Variants in GRID2 observed in about 807,000 individuals in gnomAD.
The protein encoded by GRID2 is glutamate receptor ionotropic, delta-2.
Under a neutral mutation model 114.8 loss-of-function variants are expected in GRID2, and 33 were observed. The observed-to-expected ratio is 0.29, with a 90% CI of 0.22 to 0.38. The LOEUF (loss-of-function observed/expected upper bound fraction) is 0.38. GRID2 is among the 10% of genes least tolerant of loss of function. The pLI, the probability that GRID2 is intolerant of heterozygous loss-of-function variation, is 1.00. For synonymous variants in GRID2, 505 were observed against 449.9 expected (o/e 1.12, Z -1.55); for missense variants, 1,184 against 1,257.7 (o/e 0.94, Z 0.89).
At chr4:92,673,042 C>T (rs1733154198) in intron 2 of GRID2, among the ~76,000 whole-genome samples, 1 of 152,098 alleles carries the variant, frequency 6.6e-6, no homozygotes, top group Non-Finnish European at 1.5e-5. Flanking sequence ...CATTTTAGCT[C>T]CCACAAATAA....
At chr4:92,971,083 G>T (rs1006354132) in intron 2 of GRID2, among the ~76,000 whole-genome samples, 1 of 151,636 alleles carries the variant, frequency 6.6e-6, no homozygotes, top group African/African-American at 2.4e-5. Context: ...TGATATTCTC[G>T]CTTTGGCCCC....
chr4:93,088,880 C>T (rs1730548889), intron 3 of GRID2, among the ~76,000 whole-genome samples: 1 of 151,962 alleles, frequency 6.6e-6, no homozygotes, highest in Admixed American at 6.6e-5. Context: ...CTGACAGAGC[C>T]TATGATCTTA....
At chr4:93,097,851 C>G (rs1385071115) in intron 3 of GRID2, among the ~76,000 whole-genome samples, 1 of 151,858 alleles carries the variant, frequency 6.6e-6, no homozygotes, top group East Asian at 1.9e-4. Flanking sequence ...GAGCCATTTT[C>G]TGGAATAATA....
intron 2 of GRID2, among the ~76,000 whole-genome samples, chr4:92,935,947 A>C (rs1170344443): frequency 6.9e-6 from 1 of 145,952 alleles, no homozygotes; most frequent in African/African-American, 2.4e-5. Context: ...ATGAGGAGTT[A>C]ATGGGTGCAG....
intron 1 of GRID2, among the ~76,000 whole-genome samples, chr4:92,508,076 G>A (rs1047925699): frequency 6.6e-6 from 1 of 151,808 alleles, no homozygotes; most frequent in Non-Finnish European, 1.5e-5. Context: ...TTACTGGAAG[G>A]TCCTTATGTT....
chr4:92,879,358 C>T (rs1745845070), intron 2 of GRID2, among the ~76,000 whole-genome samples: 4 of 152,082 alleles, frequency 2.6e-5, no homozygotes, highest in Admixed American at 2.6e-4. Context: ...AGGCATCAGA[C>T]TGAGAAAGGA....
intron 14 of GRID2, among the ~76,000 whole-genome samples, chr4:93,694,901 G>A (rs1183528191): frequency 6.7e-6 from 1 of 149,912 alleles, no homozygotes; most frequent in East Asian, 1.9e-4. Context: ...GGCCGGGGCG[G>A]TGGCTCACGC....
chr4:93,607,985 T>C (rs1284228567), intron 13 of GRID2, among the ~76,000 whole-genome samples: 2 of 151,456 alleles, frequency 1.3e-5, no homozygotes, highest in African/African-American at 4.8e-5. Flanking sequence ...GTGAATGGTG[T>C]TTTTTCTCAT....
intron 14 of GRID2, among the ~76,000 whole-genome samples, chr4:93,758,221 A>T (rs1328967933): frequency 1.3e-5 from 2 of 152,226 alleles, no homozygotes; most frequent in Non-Finnish European, 2.9e-5. Flanking sequence ...ATTTAAAAAA[A>T]TAGTTTAGAC....
chr4:93,430,730 A>G (rs1454062248), intron 10 of GRID2, among the ~76,000 whole-genome samples: 1 of 152,244 alleles, frequency 6.6e-6, no homozygotes, highest in East Asian at 1.9e-4. Flanking sequence ...TTATAATACA[A>G]TGCACTAGGT....
intron 2 of GRID2, among the ~76,000 whole-genome samples, chr4:92,921,808 G>A (rs994908586): frequency 2.0e-5 from 3 of 152,196 alleles, no homozygotes; most frequent in Non-Finnish European, 2.9e-5. Context: ...ACCCACTTGA[G>A]GAGGCAGTCT....
intron 1 of GRID2, among the ~76,000 whole-genome samples, chr4:92,336,861 A>G (rs1375645557): frequency 4.0e-5 from 6 of 151,360 alleles, no homozygotes; most frequent in Admixed American, 3.3e-4. Context: ...CTCTTGAAAC[A>G]TCACACCCAT....
chr4:92,944,159 G>C (rs965598278), intron 2 of GRID2, among the ~76,000 whole-genome samples: 1 of 152,176 alleles, frequency 6.6e-6, no homozygotes, highest in Non-Finnish European at 1.5e-5. Flanking sequence ...CCTTTTGTAT[G>C]GCTATGCCCT....
chr4:92,762,560 T>C (rs867014841), intron 2 of GRID2, among the ~76,000 whole-genome samples: 1 of 152,186 alleles, frequency 6.6e-6, no homozygotes, highest in Admixed American at 6.5e-5. Flanking sequence ...TATATATTTC[T>C]ATAACTCAGC....
At chr4:92,510,903 T>C (rs1357524607) in intron 1 of GRID2, among the ~76,000 whole-genome samples, 1 of 142,358 alleles carries the variant, frequency 7.0e-6, no homozygotes, top group Non-Finnish European at 1.5e-5. Flanking sequence ...CAGTAAAGAG[T>C]GTGCTTTCTA....
intron 13 of GRID2, among the ~76,000 whole-genome samples, chr4:93,544,536 G>C (rs566745652): frequency 1.3e-5 from 2 of 152,152 alleles, no homozygotes; most frequent in African/African-American, 4.8e-5. Flanking sequence ...CCAGTACTTT[G>C]AGAGGCCAAG....
At chr4:93,396,435 AGGTTATAGAGTGTG>A (rs1765340440) in intron 9 of GRID2, among the ~76,000 whole-genome samples, 1 of 151,928 alleles carries the variant, frequency 6.6e-6, no homozygotes, top group Non-Finnish European at 1.5e-5. Flanking sequence ...TAGGGCTTAT[AGGTTATAGAGTGTG>A]GATATGCTGG....
intron 2 of GRID2, among the ~76,000 whole-genome samples, chr4:92,868,037 TTTC>T (rs1745009447): frequency 7.6e-6 from 1 of 132,408 alleles, no homozygotes; most frequent in African/African-American, 2.9e-5. Flanking sequence ...TCTTTCTTTC[TTTC>T]TTTCTTTCTT....
intron 1 of GRID2, among the ~76,000 whole-genome samples, chr4:92,459,004 A>G (rs999570977): frequency 6.6e-6 from 1 of 152,210 alleles, no homozygotes; most frequent in African/African-American, 2.4e-5. Flanking sequence ...TTTAGAACTG[A>G]AGCACTTTTT....
Sources: gnomAD v4.1 joint callset for allele counts (sites outside exome capture counted in the v4.1 genomes callset) on GRCh38, gnomAD v4.1.1 for gene constraint, MANE v1.5 for transcripts, NCBI Gene and HGNC (gene_info 2026-07-23, HGNC 2026-07-21) for gene names.